The following DSCAM variants were observed in gnomAD, a reference collection of about 807,000 sequenced individuals.
The protein encoded by DSCAM is cell adhesion molecule DSCAM.
DSCAM carries 47 observed loss-of-function variants against 217.7 expected under a neutral mutation model. The observed-to-expected ratio is 0.22, with a 90% CI of 0.17 to 0.28. The LOEUF (loss-of-function observed/expected upper bound fraction) is 0.28. Ranked by LOEUF, DSCAM falls within the 10% of genes least tolerant of loss-of-function variation. The pLI is 1.00. For missense variants in DSCAM, 2,080 were observed against 2,618.3 expected (o/e 0.79, Z 4.49); for synonymous variants, 1,056 against 1,015.3 (o/e 1.04, Z -0.76).
At chr21:40,791,606 T>C (rs1486141036) in intron 1 of DSCAM, among the ~76,000 whole-genome samples, 1 of 152,110 alleles carries the variant, frequency 6.6e-6, no homozygotes, top group African/African-American at 2.4e-5. Context: ...TGAGCCGAGA[T>C]TGCGCCACTG....
At chr21:40,643,914 G>A (rs1010710991) in intron 3 of DSCAM, among the ~76,000 whole-genome samples, 4 of 152,202 alleles carry the variant, frequency 2.6e-5, no homozygotes, top group African/African-American at 9.6e-5. Flanking sequence ...TTGTTACCCA[G>A]TCTGTGGATT....
At chr21:40,279,132 A>G (rs1256102574) in intron 10 of DSCAM, among the ~76,000 whole-genome samples, 1 of 152,234 alleles carries the variant, frequency 6.6e-6, no homozygotes, top group Non-Finnish European at 1.5e-5. Context: ...AGGGATAAAA[A>G]CATTTAAAAA....
At chr21:40,542,430 A>C (rs1038516068) in intron 3 of DSCAM, among the ~76,000 whole-genome samples, 10 of 152,226 alleles carry the variant, frequency 6.6e-5, no homozygotes, top group African/African-American at 2.4e-4. Flanking sequence ...CTCCCCAAAA[A>C]TTCATATGTT....
chr21:40,067,724 ATTCCCTCCCTCCCCTCATTCCCTCCCTCC>A (rs2089229579), intron 27 of DSCAM, among the ~76,000 whole-genome samples: 3 of 47,312 alleles, frequency 6.3e-5, no homozygotes, highest in East Asian at 1.4e-3. Flanking sequence ...CCCTCCCCTC[ATTCCCTCCCTCCCCTCATTCCCTCCCTCC>A]CTCCCTCCCT....
In DSCAM at chr21:40,795,325, G is replaced by T. The variant is rs76375277; in HGVS notation, c.43+51294C>A. On this transcript the variant is annotated intron_variant, in intron 1 of 32. Transcript: ENST00000400454. ...CTCCACCAAGTGCCCAATGGCAGAG[G>T]CTCCAACAACTTACATATACTACCC... Among the ~76,000 whole-genome samples the T allele has an allele frequency of 0.014, 2,098 of 151,710 alleles. 99 individuals carry two copies. The East Asian group carries it at 0.18, about 13-fold the overall frequency.
chr21:40,074,915 G>A (rs2089342329), intron 27 of DSCAM, 122 bp downstream of exon 27: 3 of 984,956 alleles, frequency 3.0e-6, no homozygotes, highest in Non-Finnish European at 4.4e-6. Flanking sequence ...GGCAGTGGAG[G>A]GACCTGGGTT....
intron 15 of DSCAM, among the ~76,000 whole-genome samples, chr21:40,175,142 C>A (rs781445747): frequency 6.6e-5 from 10 of 152,194 alleles, no homozygotes; most frequent in Non-Finnish European, 1.5e-4. Flanking sequence ...AGGAGTCTCA[C>A]TCTGTTGCCC....
chr21:40,525,009 C>CAAAAAAAAAAAAAAAAAAAAAAAA (rs58427418), intron 3 of DSCAM, among the ~76,000 whole-genome samples: 6 of 56,120 alleles, frequency 1.1e-4, no homozygotes, highest in East Asian at 5.3e-4. Context: ...GACTCAGTCT[C>CAAAAAAAAAAAAAAAAAAAAAAAA]AAAAAAAAAA....
intron 1 of DSCAM, among the ~76,000 whole-genome samples, chr21:40,746,539 C>T (rs1346076365): frequency 1.3e-5 from 2 of 151,814 alleles, no homozygotes; most frequent in Non-Finnish European, 3.0e-5. Flanking sequence ...CTGGGACTCT[C>T]AATATTTGAG....
rs1226903637 is a variant in DSCAM at position 40,589,671 on chromosome 21, A to T, written c.508+103139T>A. Among the ~76,000 whole-genome samples, 4 of 152,362 alleles carry T rather than the reference A, an allele frequency of 2.6e-5. No homozygotes were observed. The East Asian group carries it at 7.7e-4, about 29-fold the overall frequency. On this transcript the variant is annotated intron_variant, in intron 3 of 32. Coordinates refer to ENST00000400454, the MANE Select transcript of DSCAM (RefSeq NM_001389.5). ...AGGTATCATAACTAAGGAAAGTGAG[A>T]CTAGAAGCTTGGCATTTTTGAAATC...
chr21:40,475,531 G>A (rs969664021), intron 3 of DSCAM, among the ~76,000 whole-genome samples: 4 of 152,138 alleles, frequency 2.6e-5, no homozygotes, highest in African/African-American at 9.7e-5. Flanking sequence ...GTTCATTCAC[G>A]AAAGTGCTGA....
intron 26 of DSCAM, 42 bp from the exon 27 acceptor site, chr21:40,075,255 C>T (rs770713564): frequency 3.9e-5 from 62 of 1,603,942 alleles, no homozygotes; most frequent in Middle Eastern, 1.7e-4. Context: ...TTAATGAAGA[C>T]GGCATGGCGG....
chr21:40,341,615 T>C (rs1246020978), intron 6 of DSCAM, among the ~76,000 whole-genome samples: 2 of 152,204 alleles, frequency 1.3e-5, no homozygotes, highest in Non-Finnish European at 2.9e-5. Context: ...CCAACAGAGA[T>C]CACTGCTCTG....
chr21:40,191,522 T>C (rs1004518134), intron 11 of DSCAM, among the ~76,000 whole-genome samples: 6 of 152,216 alleles, frequency 3.9e-5, no homozygotes, highest in African/African-American at 1.4e-4. Context: ...TTATTTTTAT[T>C]AATAGCTTTA....
At chr21:40,139,813 G>A (rs1463614664) in intron 18 of DSCAM, among the ~76,000 whole-genome samples, 2 of 151,116 alleles carry the variant, frequency 1.3e-5, no homozygotes, top group African/African-American at 2.4e-5. Flanking sequence ...TATGTGTGGT[G>A]TGTGTGTGTG....
chr21:40,487,843 A>C (rs8131537), intron 3 of DSCAM, among the ~76,000 whole-genome samples: 104,385 of 152,002 alleles, frequency 0.69, 36,907 homozygotes, highest in African/African-American at 0.87. Context: ...ATTCACTGAG[A>C]TAAGGAGCAC....
intron 16 of DSCAM, among the ~76,000 whole-genome samples, chr21:40,149,124 T>A (rs1265746076): frequency 6.6e-6 from 1 of 151,194 alleles, no homozygotes; most frequent in African/African-American, 2.4e-5. Context: ...ACTCCATTAC[T>A]ATTCCAATAT....
intron 3 of DSCAM, among the ~76,000 whole-genome samples, chr21:40,665,039 T>G (rs961680076): frequency 1.5e-4 from 23 of 152,212 alleles, no homozygotes; most frequent in African/African-American, 5.1e-4. Context: ...CCTTCTGCCA[T>G]GATTGCAAGC....
At chr21:40,694,986 G>T (rs921534050) in intron 2 of DSCAM, among the ~76,000 whole-genome samples, 5 of 152,168 alleles carry the variant, frequency 3.3e-5, no homozygotes, top group African/African-American at 1.2e-4. Flanking sequence ...CTGGTCAACA[G>T]AGAGAGTCTA....
Sources: gnomAD v4.1 joint callset for allele counts (sites outside exome capture counted in the v4.1 genomes callset) on GRCh38, gnomAD v4.1.1 for gene constraint, MANE v1.5 for transcripts, NCBI Gene and HGNC (gene_info 2026-07-23, HGNC 2026-07-21) for gene names.